The following PCDH11Y variants were observed in gnomAD, a reference collection of about 807,000 sequenced individuals.
PCDH11Y encodes the protein protocadherin 11 Y-linked.
For synonymous variants in PCDH11Y, 9 were observed against 83.6 expected (o/e 0.11, Z 4.87); for missense variants, 12 against 224.8 (o/e 0.05, Z 6.05).
intron 2 of PCDH11Y, among the ~76,000 whole-genome samples, chrY:5,188,797 A>G (rs1312037284): frequency 2.9e-5 from 1 of 34,025 alleles, no homozygotes. Context: ...GAAAACTATA[A>G]TGCATCAGTG....
At chrY:5,077,396 A>G (rs2052711683) in intron 1 of PCDH11Y, among the ~76,000 whole-genome samples, 2 of 27,598 alleles carry the variant, frequency 7.2e-5, no homozygotes, top group Non-Finnish European at 1.7e-4. Context: ...TCCAATTTGG[A>G]TAACCTTTAT....
chrY:5,561,267 A>C (rs2124695148), intron 3 of PCDH11Y, among the ~76,000 whole-genome samples: 5 of 23,480 alleles, frequency 2.1e-4, no homozygotes, highest in African/African-American at 8.6e-4. Flanking sequence ...CTGATAGGCA[A>C]ATGGGGCTTG....
chrY:5,433,712 CCT>C (rs2053270991), intron 2 of PCDH11Y, among the ~76,000 whole-genome samples: 179 of 32,013 alleles, frequency 5.6e-3, no homozygotes, highest in African/African-American at 0.021. Flanking sequence ...GTCTCAAACT[CCT>C]AGGCTTAAGT....
intron 2 of PCDH11Y, among the ~76,000 whole-genome samples, chrY:5,202,533 A>G: frequency 3.0e-5 from 1 of 33,408 alleles, no homozygotes; most frequent in African/African-American, 1.2e-4. Flanking sequence ...CAGCAATCTA[A>G]GAAAACAGTT....
At chrY:5,240,690 C>T (rs2052987324) in intron 2 of PCDH11Y, among the ~76,000 whole-genome samples, 48 of 19,456 alleles carry the variant, frequency 2.5e-3, no homozygotes, top group Non-Finnish European at 4.0e-3. Context: ...TAGGGATCAA[C>T]GGTCAGCTTA....
At chrY:5,104,004 A>G, downstream of PCDH11Y, among the ~76,000 whole-genome samples, 1 of 32,288 alleles carries the variant, frequency 3.1e-5, no homozygotes, top group African/African-American at 1.2e-4. Context: ...ATCATTTTCC[A>G]AAAAACAAAC....
In PCDH11Y at chrY:5,733,062, G is replaced by A. The variant is rs530585511; in HGVS notation, c.3353-4210G>A. Among the ~76,000 whole-genome samples, 200 of 33,384 alleles carry A rather than the reference G, an allele frequency of 6.0e-3. No individual in the cohort carries two copies. In the South Asian group the frequency reaches 0.13, roughly 22 times the overall value. The allele number at this position is 33,384 out of a possible 37,273, so 89.6% of individuals were successfully genotyped here. A position where few individuals can be genotyped will look rare whatever the true frequency, so the allele number is the denominator to read the frequency against. On this transcript the variant is annotated intron_variant, in intron 4 of 4. Coordinates refer to the PCDH11Y transcript ENST00000400457. The stretch of plus-strand genomic sequence containing the variant: ...CTTTATTTCCCGGATTGCTTTAGAA[G>A]TTATTTGTGTTCATTTTCAGCTTGT...
intron 2 of PCDH11Y, among the ~76,000 whole-genome samples, chrY:5,385,129 C>A (rs1602916655): frequency 2.1e-4 from 2 of 9,590 alleles, no homozygotes; most frequent in Non-Finnish European, 4.4e-4. Flanking sequence ...TACTGGCCAG[C>A]TTTTTTTTTT....
At chrY:5,690,690 AGT>A (rs2053567082) in intron 4 of PCDH11Y, among the ~76,000 whole-genome samples, 1 of 29,907 alleles carries the variant, frequency 3.3e-5, no homozygotes, top group Non-Finnish European at 8.0e-5. Flanking sequence ...ATGTAATAAA[AGT>A]GTGTGGAGTT....
intron 2 of PCDH11Y, among the ~76,000 whole-genome samples, chrY:5,440,756 TATAGAGAG>T (rs2053280339): frequency 2.4e-4 from 4 of 16,908 alleles, no homozygotes; most frequent in Non-Finnish European, 5.4e-4. Flanking sequence ...TATATATATA[TATAGAGAG>T]AGAGAGAGAG....
At chrY:5,718,133 A>G in intron 4 of PCDH11Y, among the ~76,000 whole-genome samples, 3 of 33,237 alleles carry the variant, frequency 9.0e-5, no homozygotes, top group Non-Finnish European at 1.5e-4. Flanking sequence ...ATGGTTAATC[A>G]TTCCAAAAAG....
chrY:5,187,658 C>T, intron 2 of PCDH11Y, among the ~76,000 whole-genome samples: 1 of 32,378 alleles, frequency 3.1e-5, no homozygotes, highest in African/African-American at 1.2e-4. Context: ...ATTTTTCCCC[C>T]TAAGCCTCTA....
At chrY:5,268,498 G>A in intron 2 of PCDH11Y, among the ~76,000 whole-genome samples, 1 of 31,583 alleles carries the variant, frequency 3.2e-5, no homozygotes, top group African/African-American at 1.2e-4. Flanking sequence ...ATCTTGCGAG[G>A]CTGAAATACT....
intron 2 of PCDH11Y, among the ~76,000 whole-genome samples, chrY:5,350,480 T>G: frequency 3.2e-5 from 1 of 31,284 alleles, no homozygotes; most frequent in African/African-American, 1.3e-4. Context: ...CCGAGGCAGG[T>G]GGATCACCTG....
chrY:5,226,084 T>TCACCACAA lies in PCDH11Y; in HGVS notation c.3129+125379_3129+125386dup, dbSNP rs2052960251. ...TGGAGTGCAATGACGTGCTCTCGGC[T>TCACCACAA]CACCACAACCTCTGCCAACTGGGTT... On this transcript the variant is annotated intron_variant, in intron 2 of 4. Transcript: ENST00000400457. 1.4e-4 allele frequency among the ~76,000 whole-genome samples: 3 copies of TCACCACAA among 21,039 alleles called. No homozygotes were observed. The East Asian group carries it at 4.0e-3, about 28-fold the overall frequency. The allele number at this position is 21,039 out of a possible 37,273, so 56.4% of individuals were successfully genotyped here. A position where few individuals can be genotyped will look rare whatever the true frequency, so the allele number is the denominator to read the frequency against.
chrY:5,246,793 G>A, intron 2 of PCDH11Y, among the ~76,000 whole-genome samples: 1 of 32,813 alleles, frequency 3.0e-5, no homozygotes, highest in African/African-American at 1.2e-4. Context: ...TGGCAAATTG[G>A]ATAAAGAGTC....
intron 2 of PCDH11Y, among the ~76,000 whole-genome samples, chrY:5,477,788 T>G: frequency 3.0e-5 from 1 of 33,380 alleles, no homozygotes; most frequent in African/African-American, 1.2e-4. Context: ...CTAGATTTTC[T>G]AGTTTATTTG....
chrY:5,329,584 G>C (rs967867573), intron 2 of PCDH11Y, among the ~76,000 whole-genome samples: 3,665 of 32,715 alleles, frequency 0.11, no homozygotes, highest in Non-Finnish European at 0.19. Flanking sequence ...CCCTTGAAAC[G>C]TGAGTGTATA....
chrY:5,670,945 AT>A, intron 4 of PCDH11Y, among the ~76,000 whole-genome samples: 1 of 33,048 alleles, frequency 3.0e-5, no homozygotes. Context: ...TTTTGATTTT[AT>A]TTTTGTATAG....
Sources: allele counts gnomAD v4.1 joint callset (sites outside exome capture counted in the v4.1 genomes callset), GRCh38; gene constraint gnomAD v4.1.1; transcripts MANE v1.5; gene names NCBI Gene and HGNC (gene_info 2026-07-23, HGNC 2026-07-21).